ADAMTS6: variants seen among roughly 807,000 people sequenced by gnomAD.
The protein encoded by ADAMTS6 is A disintegrin and metalloproteinase with thrombospondin motifs 6.
In ADAMTS6, 23 loss-of-function variants were observed where a neutral mutation model predicts 144.3. The observed-to-expected ratio is 0.16, with a 90% CI of 0.11 to 0.23. The LOEUF is 0.23. Ranked by LOEUF, ADAMTS6 falls within the 10% of genes least tolerant of loss-of-function variation. ADAMTS6 has a pLI of 1.00. For synonymous variants in ADAMTS6, 444 were observed against 457.5 expected (o/e 0.97, Z 0.38); for missense variants, 999 against 1,379.6 (o/e 0.72, Z 4.37).
chr5:65,275,929 T>C (rs1384691384), intron 11 of ADAMTS6, among the ~76,000 whole-genome samples: 1 of 152,138 alleles, frequency 6.6e-6, no homozygotes, highest in African/African-American at 2.4e-5. Flanking sequence ...ATGATACTCC[T>C]GATCTTTTGT....
rs572458782 is a variant in ADAMTS6, at chr5:65,477,588, G to A, written c.-279-3636C>T. Among the ~76,000 whole-genome samples the A allele has an allele frequency of 5.3e-5, 8 of 152,294 alleles. No homozygotes were observed. The South Asian group carries it at 1.7e-3, about 32-fold the overall frequency. ...AAAAAAAGTAATACCTATTTGGCCA[G>A]AAGTAGACTACTATATGATTTAAGG... On this transcript the variant is annotated intron_variant, in intron 1 of 24. Coordinates refer to ENST00000381055, the MANE Select transcript of ADAMTS6 (RefSeq NM_197941.4).
At chr5:65,361,786 T>G (rs1749844607) in intron 7 of ADAMTS6, among the ~76,000 whole-genome samples, 1 of 151,962 alleles carries the variant, frequency 6.6e-6, no homozygotes, top group Admixed American at 6.6e-5. Context: ...CAGGCTGGAG[T>G]GCAGTTGCAT....
chr5:65,209,261 C>G (rs1223069417), intron 20 of ADAMTS6, among the ~76,000 whole-genome samples: 1 of 152,202 alleles, frequency 6.6e-6, no homozygotes, highest in East Asian at 1.9e-4. Flanking sequence ...TGATTATAAT[C>G]ACTAATCCAA....
At chr5:65,270,041 A>T (rs1273994762) in intron 12 of ADAMTS6, among the ~76,000 whole-genome samples, 1 of 152,090 alleles carries the variant, frequency 6.6e-6, no homozygotes, top group Non-Finnish European at 1.5e-5. Context: ...TGATCAGCCC[A>T]CCTAGGCTTC....
rs1753348745 is a variant in ADAMTS6 at position 65,396,474 on chromosome 5, G to A, written c.1073+55001C>T. Among the ~76,000 whole-genome samples, 9 of 152,194 alleles carry A rather than the reference G, an allele frequency of 5.9e-5. No homozygotes were observed. In the South Asian group the frequency reaches 1.9e-3, roughly 32 times the overall value. On this transcript the variant is annotated intron_variant, in intron 7 of 24. Coordinates refer to ENST00000381055, the MANE Select transcript of ADAMTS6 (RefSeq NM_197941.4). Reference sequence around the variant, plus strand: ...CTATGGCCACCCAGTTTCTCTCCTGGTTACTCTTAATCTAACCCATCTCAT... The same window carrying A: ...CTATGGCCACCCAGTTTCTCTCCTGATTACTCTTAATCTAACCCATCTCAT...
chr5:65,216,294 T>C (rs922622999), intron 18 of ADAMTS6, among the ~76,000 whole-genome samples: 3 of 152,162 alleles, frequency 2.0e-5, no homozygotes, highest in Non-Finnish European at 2.9e-5. Context: ...TATAATGTGA[T>C]GAAACTCAAA....
intron 7 of ADAMTS6, among the ~76,000 whole-genome samples, chr5:65,413,911 G>A (rs1755275880): frequency 1.3e-5 from 2 of 151,956 alleles, no homozygotes; most frequent in South Asian, 4.1e-4. Context: ...TAATGATGGG[G>A]TTCAGGACAC....
chr5:65,398,372 C>T (rs72760573), intron 7 of ADAMTS6, among the ~76,000 whole-genome samples: 2,318 of 152,250 alleles, frequency 0.015, 24 homozygotes, highest in South Asian at 0.03. Context: ...TTTATCATTA[C>T]GTAATACCCT....
chr5:65,435,589 C>CT lies in ADAMTS6; in HGVS notation c.1073+15885dup, dbSNP rs200902207. 5.3e-5 allele frequency among the ~76,000 whole-genome samples: 8 copies of CT among 150,036 alleles called. No individual in the cohort carries two copies. In the East Asian group the frequency reaches 9.7e-4, roughly 18 times the overall value. On this transcript the variant is annotated intron_variant, in intron 7 of 24. Transcript: ENST00000381055. Reference sequence around the variant, plus strand: ...TGAGGATCATAAAAGAACTCTGCACCTTTTTTTTTGTAATTCTAAAATTAG... The same window carrying CT: ...TGAGGATCATAAAAGAACTCTGCACCTTTTTTTTTTGTAATTCTAAAATTAG...
At chr5:65,221,454 A>G (rs1757318677) in intron 18 of ADAMTS6, among the ~76,000 whole-genome samples, 1 of 152,246 alleles carries the variant, frequency 6.6e-6, no homozygotes, top group Non-Finnish European at 1.5e-5. Context: ...TAAAACTCTA[A>G]TAAAAACTAG....
At chr5:65,241,306 C>T (rs989956453) in intron 15 of ADAMTS6, among the ~76,000 whole-genome samples, 1 of 143,386 alleles carries the variant, frequency 7.0e-6, no homozygotes, top group African/African-American at 2.6e-5. Flanking sequence ...TCTTGGCTCT[C>T]TGCAACCTCC....
chr5:65,196,925 T>C (rs1418902104), intron 21 of ADAMTS6, 97 bp downstream of exon 21: 10 of 1,421,490 alleles, frequency 7.0e-6, no homozygotes, highest in Admixed American at 2.3e-5. Context: ...TCAGCCTAAT[T>C]TATTCTCATC....
chr5:65,195,210 G>A lies in ADAMTS6; in HGVS notation c.2705+1812C>T, dbSNP rs539723763. Among the ~76,000 whole-genome samples the A allele has an allele frequency of 3.9e-5, 6 of 152,218 alleles. No individual in the cohort carries two copies. In the South Asian group the frequency reaches 8.3e-4, roughly 21 times the overall value. On this transcript the variant is annotated intron_variant, in intron 21 of 24. Transcript: ENST00000381055. ...AATTGGCCCATGGATTTTGAGCATC[G>A]CATTGCTCTACAGTTTCTCAGTTTC...
intron 14 of ADAMTS6, chr5:65,256,256 CG>C (rs1459213336): frequency 6.6e-6 from 1 of 152,170 alleles, no homozygotes; most frequent in African/African-American, 2.4e-5. Flanking sequence ...TAGTGGCTAT[CG>C]GGCTGGACAG....
rs184035332 is a variant in ADAMTS6, at chr5:65,351,579, T to C, written c.1074-17494A>G. ...AATATCTAAAAAAGAATTTTTATAA[T>C]GACCTTATTATATGTGGAGCTATGC... On this transcript the variant is annotated intron_variant, in intron 7 of 24. Transcript: ENST00000381055. Among the ~76,000 whole-genome samples the C allele has an allele frequency of 7.2e-5, 11 of 152,346 alleles. No individual in the cohort carries two copies. In the East Asian group the frequency reaches 2.1e-3, roughly 29 times the overall value.
intron 7 of ADAMTS6, among the ~76,000 whole-genome samples, chr5:65,432,576 G>T (rs754609949): frequency 6.6e-6 from 1 of 151,746 alleles, no homozygotes; most frequent in Admixed American, 6.6e-5. Flanking sequence ...AACATTTTTC[G>T]AATCTGATCA....
chr5:65,218,144 G>C lies in ADAMTS6; in HGVS notation c.2273-2657C>G, dbSNP rs1757064141. ...CTGAATATTGATCTGCATATGTATA[G>C]GATAAAATTACATAAAGCCAGGCAA... is the stretch of plus-strand genomic sequence containing the variant. On this transcript the variant is annotated intron_variant, in intron 18 of 24. Transcript: ENST00000381055. 2.0e-5 allele frequency among the ~76,000 whole-genome samples: 3 copies of C among 152,118 alleles called. No individual in the cohort carries two copies. In the South Asian group the frequency reaches 6.2e-4, roughly 32 times the overall value.
intron 18 of ADAMTS6, among the ~76,000 whole-genome samples, chr5:65,218,900 G>T (rs1164612094): frequency 6.6e-6 from 1 of 152,060 alleles, no homozygotes; most frequent in Non-Finnish European, 1.5e-5. Context: ...ATAAAATGGT[G>T]CAATATTATT....
chr5:65,457,114 T>G (rs1436422682), intron 4 of ADAMTS6, among the ~76,000 whole-genome samples: 1 of 152,166 alleles, frequency 6.6e-6, no homozygotes, highest in African/African-American at 2.4e-5. Flanking sequence ...ACGTTTTTTT[T>G]CCCCAGTAAC....
Sources: allele counts gnomAD v4.1 joint callset (sites outside exome capture counted in the v4.1 genomes callset), GRCh38; gene constraint gnomAD v4.1.1; transcripts MANE v1.5; gene names NCBI Gene and HGNC (gene_info 2026-07-23, HGNC 2026-07-21).